FAM185A: variants seen among roughly 807,000 people sequenced by gnomAD.
FAM185A encodes family with sequence similarity 185 member A, also known as protein FAM185A.
A neutral mutation model predicts 45.7 loss-of-function variants in FAM185A; 21 were observed. The ratio of observed to expected loss-of-function variants is 0.46; its 90% CI spans 0.33 to 0.66. The LOEUF is 0.66. FAM185A is among the 30% of genes least tolerant of loss of function. The probability of loss-of-function intolerance (pLI) is 0.03; values close to 1 mark genes in which losing one functional copy is unlikely to be tolerated. For missense variants in FAM185A, 305 were observed against 485.4 expected (o/e 0.63, Z 3.49); for synonymous variants, 117 against 194.0 (o/e 0.60, Z 3.30).
the FAM185A span, among the ~76,000 whole-genome samples, chr7:102,846,071 C>T: frequency 6.6e-6 from 1 of 152,208 alleles, no homozygotes; most frequent in South Asian, 2.1e-4. Context: ...GAAATTAATA[C>T]ATGGAAAATA....
intron 2 of FAM185A, among the ~76,000 whole-genome samples, chr7:102,753,396 A>G (rs1793494139): frequency 6.6e-6 from 1 of 151,544 alleles, no homozygotes; most frequent in Admixed American, 6.6e-5. Flanking sequence ...TTCTTCTTTT[A>G]TGCCATTGTA....
At chr7:102,776,116 A>ACACATATACACAC (rs1198677194) in intron 5 of FAM185A, among the ~76,000 whole-genome samples, 4 of 126,586 alleles carry the variant, frequency 3.2e-5, no homozygotes, top group African/African-American at 1.5e-4. Flanking sequence ...ACACACACAC[A>ACACATATACACAC]AATGTTTTCT....
At chr7:102,776,987 C>A (rs1178331292) in intron 5 of FAM185A, among the ~76,000 whole-genome samples, 2 of 152,094 alleles carry the variant, frequency 1.3e-5, no homozygotes, top group African/African-American at 4.8e-5. Context: ...CCTTCCGACT[C>A]ATTAAGTTTT....
chr7:102,821,925 G>A, the FAM185A span: 1 of 1,172,376 alleles, frequency 8.5e-7, no homozygotes, highest in Non-Finnish European at 1.2e-6. Context: ...AAAATAAAAT[G>A]AAATGAAACT....
At chr7:102,780,546 TACAC>T (rs1394366828) in intron 6 of FAM185A, among the ~76,000 whole-genome samples, 3 of 152,162 alleles carry the variant, frequency 2.0e-5, no homozygotes, top group Admixed American at 2.0e-4. Flanking sequence ...TATTTTTTGT[TACAC>T]ACAAGGCACA....
intron 6 of FAM185A, among the ~76,000 whole-genome samples, chr7:102,781,893 G>A (rs547266583): frequency 6.6e-6 from 1 of 152,226 alleles, no homozygotes; most frequent in Non-Finnish European, 1.5e-5. Context: ...TGGCAAAGAA[G>A]TTAAAAACCT....
At chr7:102,832,972 T>A in the FAM185A span, 1 of 1,614,002 alleles carries the variant, frequency 6.2e-7, no homozygotes, top group South Asian at 1.1e-5. Flanking sequence ...TTTTGCAGAA[T>A]GCCTGCAAAA....
intron 6 of FAM185A, among the ~76,000 whole-genome samples, chr7:102,781,891 A>C (rs1198071043): frequency 1.3e-5 from 2 of 152,188 alleles, no homozygotes; most frequent in Non-Finnish European, 2.9e-5. Flanking sequence ...CATGGCAAAG[A>C]AGTTAAAAAC....
the FAM185A span, among the ~76,000 whole-genome samples, chr7:102,819,277 G>A: frequency 6.6e-6 from 1 of 152,078 alleles, no homozygotes; most frequent in East Asian, 1.9e-4. Context: ...TCTGATCATA[G>A]TTGTTACTTA....
intron 7 of FAM185A, among the ~76,000 whole-genome samples, chr7:102,802,816 AG>A (rs1241325866): frequency 6.6e-6 from 1 of 152,166 alleles, no homozygotes; most frequent in East Asian, 1.9e-4. Context: ...AGATTAACCA[AG>A]AAAAAAAAGA....
chr7:102,780,102 T>G (rs928081046), intron 6 of FAM185A, among the ~76,000 whole-genome samples: 1 of 152,080 alleles, frequency 6.6e-6, no homozygotes, highest in Non-Finnish European at 1.5e-5. Context: ...CATGCTTATC[T>G]CAAACTTCTA....
chr7:102,813,468 T>C (rs1192533508), downstream of FAM185A: 1 of 1,614,088 alleles, frequency 6.2e-7, no homozygotes, highest in East Asian at 2.2e-5. Context: ...CAAACCAACG[T>C]GGAGGGTCAT....
intron 3 of FAM185A, among the ~76,000 whole-genome samples, chr7:102,759,193 G>A (rs1793958958): frequency 6.6e-6 from 1 of 151,938 alleles, no homozygotes; most frequent in South Asian, 2.1e-4. Flanking sequence ...GTAAATGATG[G>A]CTAATGTTAT....
the FAM185A span, among the ~76,000 whole-genome samples, chr7:102,845,134 C>T: frequency 1.3e-5 from 2 of 152,130 alleles, no homozygotes; most frequent in African/African-American, 2.4e-5. Flanking sequence ...TTAGCTCAAT[C>T]TCCAGCCCCT....
chr7:102,820,104 T>C, the FAM185A span, among the ~76,000 whole-genome samples: 1 of 152,212 alleles, frequency 6.6e-6, no homozygotes, highest in East Asian at 1.9e-4. Flanking sequence ...CACTCTACAG[T>C]GAGGACTGTC....
At chr7:102,785,351 A>G (rs998950965) in intron 6 of FAM185A, among the ~76,000 whole-genome samples, 2 of 150,234 alleles carry the variant, frequency 1.3e-5, no homozygotes, top group Non-Finnish European at 1.5e-5. Context: ...TATGGAACCA[A>G]AAAAGAGCCC....
In FAM185A at chr7:102,778,129, T is replaced by C. The variant is rs568142962; in HGVS notation, c.931+781T>C. Among the ~76,000 whole-genome samples, 39 of 152,360 alleles carry C rather than the reference T, an allele frequency of 2.6e-4. 1 individual carries two copies. The South Asian group carries it at 3.5e-3, about 14-fold the overall frequency. ...GCCAGATGTTTAACAAGGAAAATAT[T>C]TCCTCACAGAGACTGATTGTTCCTG... is the stretch of plus-strand genomic sequence containing the variant. On this transcript the variant is annotated intron_variant, in intron 6 of 7. Transcript: ENST00000413034.
At chr7:102,801,065 G>A (rs1796760591) in intron 7 of FAM185A, among the ~76,000 whole-genome samples, 1 of 152,174 alleles carries the variant, frequency 6.6e-6, no homozygotes. Flanking sequence ...GAAGGGATTG[G>A]GGCCCATCTT....
At chr7:102,781,467 A>G (rs534240131) in intron 6 of FAM185A, among the ~76,000 whole-genome samples, 1 of 152,354 alleles carries the variant, frequency 6.6e-6, no homozygotes, top group Admixed American at 6.5e-5. Context: ...CAAAACTTCC[A>G]GAGTAATGAT....
Sources: allele counts gnomAD v4.1 joint callset (sites outside exome capture counted in the v4.1 genomes callset), GRCh38; gene constraint gnomAD v4.1.1; transcripts MANE v1.5; gene names NCBI Gene and HGNC (gene_info 2026-07-23, HGNC 2026-07-21).